TAB2: variants seen among roughly 807,000 people sequenced by gnomAD.
TAB2 encodes TGF-beta activated kinase 1 (MAP3K7) binding protein 2.
In TAB2, 3 loss-of-function variants were observed where a neutral mutation model predicts 65.0. The ratio of observed to expected loss-of-function variants is 0.05; its 90% confidence interval spans 0.02 to 0.12. The LOEUF is 0.12. Ranked by LOEUF, TAB2 falls within the 10% of genes least tolerant of loss-of-function variation. The pLI is 1.00. For missense variants in TAB2, 623 were observed against 840.3 expected, an observed-to-expected ratio of 0.74 and a Z score of 3.20; for synonymous variants, 298 against 285.1, an observed-to-expected ratio of 1.05 and a Z score of -0.46.
At chr6:149,303,175 T>C (rs141294677) in intron 1 of TAB2, among the ~76,000 whole-genome samples, 1 of 152,376 alleles carries the variant, frequency 6.6e-6, no homozygotes, top group Non-Finnish European at 1.5e-5. Flanking sequence ...TTCTACATTA[T>C]GGTGAGATGT....
chr6:149,278,669 A>G (rs993598095), intron 1 of TAB2, among the ~76,000 whole-genome samples: 1 of 152,210 alleles, frequency 6.6e-6, no homozygotes, highest in Non-Finnish European at 1.5e-5. Context: ...GGAAATAACA[A>G]CGCATATCAT....
chr6:149,289,104 C>A (rs984977773), intron 1 of TAB2, among the ~76,000 whole-genome samples: 3 of 151,968 alleles, frequency 2.0e-5, no homozygotes, highest in Non-Finnish European at 2.9e-5. Context: ...AGTGATCCAC[C>A]CGCCTCAGCC....
chr6:149,370,218 A>G (rs1016605263), intron 2 of TAB2, 119 bp downstream of exon 2: 1 of 987,738 alleles, frequency 1.0e-6, no homozygotes, highest in Non-Finnish European at 1.6e-6. Flanking sequence ...ATGAAAAGAG[A>G]TAAGCTTTGG....
intron 1 of TAB2, among the ~76,000 whole-genome samples, chr6:149,300,205 C>T (rs948836228): frequency 3.9e-5 from 6 of 152,112 alleles, no homozygotes; most frequent in Non-Finnish European, 8.8e-5. Flanking sequence ...GGGATCCATC[C>T]TAAAATATCT....
At chr6:149,265,194 T>C (rs1190961808) in intron 1 of TAB2, among the ~76,000 whole-genome samples, 12 of 84,506 alleles carry the variant, frequency 1.4e-4, no homozygotes, top group Non-Finnish European at 2.7e-4. Context: ...TCAGAACCCT[T>C]TTTTTTTTTT....
intron 6 of TAB2, among the ~76,000 whole-genome samples, chr6:149,407,010 C>A (rs950221130): frequency 1.3e-5 from 2 of 152,208 alleles, no homozygotes; most frequent in Admixed American, 6.5e-5. Flanking sequence ...AGCCACAGCG[C>A]CCAGCCTCCT....
rs1241112186 is a variant in TAB2 at position 149,338,809 on chromosome 6, C to A, written c.-90+20794C>A. ...TGTGATCCTACTCATGGAACCAAAC[C>A]TGGAAAACAGAATAAAAGGGGTAGA... is the stretch of plus-strand genomic sequence containing the variant. On this transcript the variant is annotated intron_variant, in intron 1 of 6. Coordinates refer to ENST00000637181, the MANE Select transcript of TAB2 (RefSeq NM_001292034.3). Among the ~76,000 whole-genome samples the A allele has an allele frequency of 3.3e-5, 5 of 152,150 alleles. No homozygotes were observed. In the East Asian group the frequency reaches 9.6e-4, roughly 29 times the overall value.
At chr6:149,377,070 ATTTT>A (rs369685969) in intron 2 of TAB2, among the ~76,000 whole-genome samples, 3 of 89,918 alleles carry the variant, frequency 3.3e-5, no homozygotes, top group Admixed American at 1.0e-4. Flanking sequence ...AATGTAACTT[ATTTT>A]TTTTTTTTTT....
chr6:149,285,925 C>T (rs957224365), intron 1 of TAB2, among the ~76,000 whole-genome samples: 2 of 152,132 alleles, frequency 1.3e-5, no homozygotes, highest in African/African-American at 4.8e-5. Flanking sequence ...TCTACTGCCG[C>T]TCTGAGAACG....
intron 1 of TAB2, among the ~76,000 whole-genome samples, chr6:149,292,383 G>C (rs1778793349): frequency 6.6e-6 from 1 of 152,208 alleles, no homozygotes; most frequent in African/African-American, 2.4e-5. Flanking sequence ...CACAGCTTTA[G>C]AATGAGTGAT....
chr6:149,405,379 A>G (rs1457162527), intron 6 of TAB2, among the ~76,000 whole-genome samples: 1 of 152,250 alleles, frequency 6.6e-6, no homozygotes, highest in Non-Finnish European at 1.5e-5. Context: ...TTAAAATTGT[A>G]TGATCTCGCA....
At chr6:149,225,205 C>T (rs1777243720) in intron 1 of TAB2, among the ~76,000 whole-genome samples, 1 of 152,140 alleles carries the variant, frequency 6.6e-6, no homozygotes, top group South Asian at 2.1e-4. Context: ...AAGCAGGCAA[C>T]AGGAACACAA....
intron 1 of TAB2, among the ~76,000 whole-genome samples, chr6:149,274,116 C>G (rs1280546444): frequency 6.6e-6 from 1 of 152,228 alleles, no homozygotes; most frequent in Non-Finnish European, 1.5e-5. Context: ...ATCCATAACT[C>G]AAAAGTGTGG....
intron 1 of TAB2, among the ~76,000 whole-genome samples, chr6:149,338,012 GAAT>G (rs1779986622): frequency 6.6e-6 from 1 of 152,128 alleles, no homozygotes; most frequent in Admixed American, 6.6e-5. Context: ...AGGATTCCTA[GAAT>G]AATATTATAC....
chr6:149,369,887 A>T (rs2114856955), intron 1 of TAB2, 22 bp from the exon 2 acceptor site: 3 of 900,840 alleles, frequency 3.3e-6, no homozygotes, highest in Non-Finnish European at 5.4e-6. Context: ...TCTCATTAAA[A>T]TTTTTTTTCT....
Position 149,235,690 on chromosome 6 carries a change from G to T in TAB2, c.-121+16914G>T, listed in dbSNP as rs932634474. On this transcript the variant is annotated intron_variant, in intron 1 of 1. Coordinates refer to the TAB2 transcript ENST00000606202. ...CTTCTTGACCATCTTGCTTAGCACTGCCTCTACAATTAAAAGAATTCCAGC... is the reference window on the plus strand; with the variant it reads ...CTTCTTGACCATCTTGCTTAGCACTTCCTCTACAATTAAAAGAATTCCAGC... 2.0e-5 allele frequency among the ~76,000 whole-genome samples: 3 copies of T among 152,182 alleles called. 1 individual carries two copies. In the South Asian group the frequency reaches 6.2e-4, roughly 31 times the overall value.
chr6:149,248,990 G>A (rs1562387353), intron 1 of TAB2, among the ~76,000 whole-genome samples: 1 of 152,128 alleles, frequency 6.6e-6, no homozygotes, highest in South Asian at 2.1e-4. Context: ...AAATTACACA[G>A]CAGAGGAGTG....
Position 149,311,201 on chromosome 6 carries a change from G to A in TAB2, c.-120-66817G>A, listed in dbSNP as rs558815073. Among the ~76,000 whole-genome samples the A allele has an allele frequency of 1.8e-4, 28 of 152,250 alleles. No individual in the cohort carries two copies. In the South Asian group the frequency reaches 4.6e-3, roughly 25 times the overall value. ...TATCCTACATTTTTCCTACAGTTCT[G>A]CAAAATCAGCTACTTCATGTTCCCT... On this transcript the variant is annotated intron_variant, in intron 1 of 1. Transcript: ENST00000606202.
At chr6:149,234,454 C>T (rs4897093) in intron 1 of TAB2, among the ~76,000 whole-genome samples, 74,298 of 151,778 alleles carry the variant, frequency 0.49, 18,931 homozygotes, top group Admixed American at 0.64. Flanking sequence ...AGCTTCACCC[C>T]GAGCTACTCA....
Sources: gnomAD v4.1 joint callset for allele counts (sites outside exome capture counted in the v4.1 genomes callset) on GRCh38, gnomAD v4.1.1 for gene constraint, MANE v1.5 for transcripts, NCBI Gene and HGNC (gene_info 2026-07-23, HGNC 2026-07-21) for gene names.